Variants in KCTD8 observed in about 807,000 individuals in gnomAD.
KCTD8 encodes the protein BTB/POZ domain-containing protein KCTD8.
In KCTD8, 27 loss-of-function variants were observed where a neutral mutation model predicts 31.5. The ratio of observed to expected loss-of-function variants is 0.86; its 90% confidence interval spans 0.63 to 1.18. KCTD8 has a LOEUF of 1.18. Among genes scored for constraint, KCTD8 ranks in the 50% most tolerant of loss-of-function variants. The pLI is 0.00. For synonymous variants in KCTD8, 290 were observed against 280.0 expected (o/e 1.04, Z -0.36); for missense variants, 658 against 647.7 (o/e 1.02, Z -0.17).
intron 1 of KCTD8, among the ~76,000 whole-genome samples, chr4:44,188,844 G>T (rs1256366108): frequency 6.6e-6 from 1 of 152,170 alleles, no homozygotes; most frequent in Non-Finnish European, 1.5e-5. Context: ...AACTTCTCGA[G>T]ATAGTGTAGC....
intron 1 of KCTD8, among the ~76,000 whole-genome samples, chr4:44,225,614 T>C (rs990276068): frequency 6.6e-6 from 1 of 152,150 alleles, no homozygotes; most frequent in Non-Finnish European, 1.5e-5. Flanking sequence ...ACAATACCCT[T>C]TGTATCCACG....
At chr4:44,380,137 C>A (rs750754863) in intron 1 of KCTD8, among the ~76,000 whole-genome samples, 1 of 151,810 alleles carries the variant, frequency 6.6e-6, no homozygotes, top group African/African-American at 2.4e-5. Context: ...CTCAAGATTA[C>A]CCCTAGGCAA....
At chr4:44,390,446 G>A (rs1720343565) in intron 1 of KCTD8, among the ~76,000 whole-genome samples, 1 of 151,826 alleles carries the variant, frequency 6.6e-6, no homozygotes, top group African/African-American at 2.4e-5. Flanking sequence ...AGATCAGTTG[G>A]CTGTATTTCA....
intron 1 of KCTD8, among the ~76,000 whole-genome samples, chr4:44,277,531 C>CAT (rs1397947670): frequency 6.6e-6 from 1 of 151,436 alleles, no homozygotes; most frequent in Non-Finnish European, 1.5e-5. Flanking sequence ...CGGAGTAAAT[C>CAT]ATTCATTCAT....
chr4:44,199,887 A>C (rs1217031160), intron 1 of KCTD8, among the ~76,000 whole-genome samples: 1 of 151,980 alleles, frequency 6.6e-6, no homozygotes, highest in Admixed American at 6.5e-5. Flanking sequence ...AGGAACAGAC[A>C]AGACTGATAA....
chr4:44,348,357 T>C (rs1235616920), intron 1 of KCTD8, among the ~76,000 whole-genome samples: 11 of 152,160 alleles, frequency 7.2e-5, no homozygotes, highest in Non-Finnish European at 2.9e-5. Context: ...CTTGAAAATA[T>C]AGGTGTAAAT....
At chr4:44,220,557 A>G (rs988970132) in intron 1 of KCTD8, among the ~76,000 whole-genome samples, 1 of 152,154 alleles carries the variant, frequency 6.6e-6, no homozygotes, top group Non-Finnish European at 1.5e-5. Context: ...GCAATCCACT[A>G]AGGAGCATTA....
intron 1 of KCTD8, among the ~76,000 whole-genome samples, chr4:44,290,802 A>T (rs1010966490): frequency 3.9e-5 from 6 of 152,126 alleles, no homozygotes; most frequent in African/African-American, 1.4e-4. Context: ...TTTGGGATGC[A>T]GCTAAAGGAG....
rs576625056 is a variant in KCTD8, at chr4:44,194,855, C to T, written c.962-19605G>A. Among the ~76,000 whole-genome samples the T allele has an allele frequency of 2.3e-5, 3 of 129,362 alleles. No homozygotes were observed. The East Asian group carries it at 7.7e-4, about 33-fold the overall frequency. 84.9% of individuals were successfully genotyped at this position (129,362 alleles called of 152,430 possible). A position where few individuals can be genotyped will look rare whatever the true frequency, so the allele number is the denominator to read the frequency against. On this transcript the variant is annotated intron_variant, in intron 1 of 1. Coordinates refer to ENST00000360029, the MANE Select transcript of KCTD8 (RefSeq NM_198353.3). The stretch of plus-strand genomic sequence containing the variant: ...TTCCTTCCTTCCCTCTTTCCTTTCA[C>T]TCTCTCTCTTTTTTTTTTGGATGGA...
chr4:44,430,257 T>G lies in KCTD8; in HGVS notation c.961+17306A>C, dbSNP rs1280492188. Among the ~76,000 whole-genome samples, 6 of 151,648 alleles carry G rather than the reference T, an allele frequency of 4.0e-5. No individual in the cohort carries two copies. In the East Asian group the frequency reaches 1.2e-3, roughly 29 times the overall value. Reference sequence around the variant, plus strand: ...GTTGCTAAATGGTCCCCATTAGAGTTGGGGTCAGAAGAAGAACTGGAAAAA... The same window carrying G: ...GTTGCTAAATGGTCCCCATTAGAGTGGGGGTCAGAAGAAGAACTGGAAAAA... On this transcript the variant is annotated intron_variant, in intron 1 of 1. Transcript: ENST00000360029.
chr4:44,402,021 G>A (rs1720676870), intron 1 of KCTD8, among the ~76,000 whole-genome samples: 1 of 152,096 alleles, frequency 6.6e-6, no homozygotes, highest in Admixed American at 6.6e-5. Flanking sequence ...ATTCAAGCTT[G>A]TATATTATTT....
At chr4:44,303,898 GATC>G (rs1342981455) in intron 1 of KCTD8, among the ~76,000 whole-genome samples, 22 of 152,140 alleles carry the variant, frequency 1.4e-4, no homozygotes, top group African/African-American at 5.3e-4. Context: ...TAAATTAGCA[GATC>G]ATTAGCAGAA....
chr4:44,268,893 A>T (rs1716480766), intron 1 of KCTD8, among the ~76,000 whole-genome samples: 1 of 152,192 alleles, frequency 6.6e-6, no homozygotes. Flanking sequence ...ATAAAAGAGG[A>T]TACAAAGAAA....
intron 1 of KCTD8, among the ~76,000 whole-genome samples, chr4:44,421,947 A>G (rs1217555123): frequency 2.0e-5 from 3 of 152,128 alleles, no homozygotes; most frequent in Non-Finnish European, 4.4e-5. Context: ...TCTGTGCTGA[A>G]TAATAATCAT....
intron 1 of KCTD8, among the ~76,000 whole-genome samples, chr4:44,428,888 A>T (rs1721406462): frequency 6.6e-6 from 1 of 151,766 alleles, no homozygotes; most frequent in South Asian, 2.1e-4. Context: ...CAAACACACC[A>T]CTTACATATT....
Position 44,448,663 on chromosome 4 carries a change from C to T in KCTD8, c.-140G>A. 1.1e-6 allele frequency: 1 copy of T among 949,888 alleles called. No homozygotes were observed. The highest frequency in any genetic ancestry group is 1.4e-6 in the Non-Finnish European group (1 of 726,306). The allele number at this position is 949,888 out of a possible 1,614,324, so 58.8% of individuals were successfully genotyped here. ...CGTTCCTCCGACCGGGGCGGCCCCG[C>T]TCAGGGTTCGGGGCAGCGGCGGCGT... On this transcript the variant is annotated 5_prime_UTR_variant, in exon 1 of 2. Coordinates refer to ENST00000360029, the MANE Select transcript of KCTD8 (RefSeq NM_198353.3). This position sits in a 1 kb window ranked among gnomAD's most constrained non-coding sequence, Gnocchi z 4.1.
At chr4:44,304,761 G>A (rs1717750293) in intron 1 of KCTD8, among the ~76,000 whole-genome samples, 1 of 152,106 alleles carries the variant, frequency 6.6e-6, no homozygotes, top group Admixed American at 6.6e-5. Context: ...AGCCCAAGGT[G>A]ACAGATAATT....
rs138046574 is a variant in KCTD8, at chr4:44,373,912, T to A, written c.961+73651A>T. On this transcript the variant is annotated intron_variant, in intron 1 of 1. Transcript: ENST00000360029. ...ACCTTGGATTAGACACTGTGAAATG[T>A]CTCAGATCTCACTCATCACATTAAA... Among the ~76,000 whole-genome samples, 466 of 152,282 alleles carry A rather than the reference T, an allele frequency of 3.1e-3. 4 individuals are homozygous for A. Among genetic ancestry groups the A allele is most frequent in the African/African-American group, 0.01 (429 of 41,566 alleles).
At chr4:44,365,136 T>C (rs1180334865) in intron 1 of KCTD8, among the ~76,000 whole-genome samples, 1 of 152,140 alleles carries the variant, frequency 6.6e-6, no homozygotes, top group Non-Finnish European at 1.5e-5. Context: ...TAATGCAAAA[T>C]ATTAATAACA....
Sources: gnomAD v4.1 joint callset for allele counts (sites outside exome capture counted in the v4.1 genomes callset) on GRCh38, gnomAD v4.1.1 for gene constraint, Gnocchi (gnomAD v3.1) non-coding constraint, MANE v1.5 for transcripts, NCBI Gene and HGNC (gene_info 2026-07-23, HGNC 2026-07-21) for gene names.